The following TRIM71 variants were observed in gnomAD, a reference collection of about 807,000 sequenced individuals.
TRIM71 encodes the protein E3 ubiquitin-protein ligase TRIM71.
In TRIM71, 9 loss-of-function variants were observed where a neutral mutation model predicts 61.2. That is an observed-to-expected ratio of 0.15 (90% confidence interval 0.09 to 0.26). The LOEUF is 0.26. Ranked by LOEUF, TRIM71 falls within the 10% of genes least tolerant of loss-of-function variation. The pLI, the probability that TRIM71 is intolerant of heterozygous loss-of-function variation, is 1.00. For missense variants in TRIM71, 998 were observed against 1,238.7 expected (o/e 0.81, Z 2.92); for synonymous variants, 645 against 553.2 (o/e 1.17, Z -2.33).
At chr3:32,846,494 T>C (rs28576253) in intron 1 of TRIM71, among the ~76,000 whole-genome samples, 2,003 of 152,324 alleles carry the variant, frequency 0.013, 44 homozygotes, top group African/African-American at 0.046. Context: ...TAGATACTTA[T>C]GTTTTTTGTA....
chr3:32,889,691 C>T (rs1176510078), intron 3 of TRIM71, among the ~76,000 whole-genome samples: 1 of 151,518 alleles, frequency 6.6e-6, no homozygotes, highest in Admixed American at 6.6e-5. Flanking sequence ...CGGGTTCAAG[C>T]GATTCTCCCC....
At chr3:32,844,814 C>G (rs893741069) in intron 1 of TRIM71, among the ~76,000 whole-genome samples, 6 of 152,288 alleles carry the variant, frequency 3.9e-5, no homozygotes, top group Non-Finnish European at 7.3e-5. Flanking sequence ...CCATCCCCCT[C>G]CTCTGAGCCA....
rs146740664 is a variant in TRIM71, at chr3:32,838,893, C to T, written c.852+19961C>T. 5.3e-3 allele frequency among the ~76,000 whole-genome samples: 804 copies of T among 152,248 alleles called. 22 individuals are homozygous for T. Among genetic ancestry groups the T allele is most frequent in the Admixed American group, 0.041 (624 of 15,304 alleles). On this transcript the variant is annotated intron_variant, in intron 1 of 3. Transcript: ENST00000383763. ...TCAGCTCACAGCAACCTCCTCCTCC[C>T]GGGTTCAAGTGATTCTCCTGCGTCA...
chr3:32,822,258 G>A (rs951192604), intron 1 of TRIM71, among the ~76,000 whole-genome samples: 2 of 152,180 alleles, frequency 1.3e-5, no homozygotes, highest in African/African-American at 4.8e-5. Context: ...CCCGAGGATG[G>A]CAATATTGTT....
chr3:32,844,085 A>G (rs1383705180), intron 1 of TRIM71, among the ~76,000 whole-genome samples: 2 of 152,122 alleles, frequency 1.3e-5, no homozygotes, highest in Non-Finnish European at 2.9e-5. Flanking sequence ...GTGCTTACCC[A>G]TGCTTTCTCG....
chr3:32,853,965 C>T (rs185894825), intron 1 of TRIM71, among the ~76,000 whole-genome samples: 93 of 151,896 alleles, frequency 6.1e-4, no homozygotes, highest in African/African-American at 2.2e-3. Flanking sequence ...GACCACGCCA[C>T]TGCACTCCAG....
At chr3:32,880,921 A>C (rs1180648655) in intron 2 of TRIM71, among the ~76,000 whole-genome samples, 1 of 152,170 alleles carries the variant, frequency 6.6e-6, no homozygotes, top group East Asian at 1.9e-4. Context: ...TAAGGTGTAC[A>C]TTTATTTTAC....
intron 1 of TRIM71, among the ~76,000 whole-genome samples, chr3:32,842,045 A>C (rs1377363806): frequency 5.3e-5 from 8 of 152,124 alleles, no homozygotes; most frequent in African/African-American, 1.9e-4. Flanking sequence ...CACCATAAAG[A>C]TTGCCCCTGT....
intron 1 of TRIM71, among the ~76,000 whole-genome samples, chr3:32,848,164 G>A (rs913115500): frequency 6.6e-6 from 1 of 152,224 alleles, no homozygotes; most frequent in Non-Finnish European, 1.5e-5. Context: ...CCTCATGTGA[G>A]TTAATCTCTT....
chr3:32,878,734 T>C (rs1696876176), intron 2 of TRIM71, among the ~76,000 whole-genome samples: 1 of 152,260 alleles, frequency 6.6e-6, no homozygotes, highest in Non-Finnish European at 1.5e-5. Context: ...ACGGTAGATT[T>C]AGCATAATGC....
rs769397779 is a variant in TRIM71 at position 32,895,990 on chromosome 3, A to T, written c.*4179A>T. On this transcript the variant is annotated 3_prime_UTR_variant, in exon 4 of 4. Coordinates refer to ENST00000383763, the MANE Select transcript of TRIM71 (RefSeq NM_001039111.3). Reference sequence around the variant, plus strand: ...AGGAGAAATGTTCTACTTACCTTGAAAGAGAAATGTCAGGCAAATGTAGTC... The same window carrying T: ...AGGAGAAATGTTCTACTTACCTTGATAGAGAAATGTCAGGCAAATGTAGTC... 5 of 152,230 alleles carry T rather than the reference A, an allele frequency of 3.3e-5. No homozygotes were observed. Among genetic ancestry groups the T allele is most frequent in the Non-Finnish European group, 7.3e-5 (5 of 68,042 alleles). 9.4% of individuals were successfully genotyped at this position (152,230 alleles called of 1,614,324 possible).
rs1406624949 is a variant in TRIM71, at chr3:32,818,784, A to T, written c.704A>T (p.Asp235Val). Reference protein sequence around the residue: ...RAHQRVRLTKDHYIERGPPGP... With the variant: ...RAHQRVRLTKVHYIERGPPGP... ...CACCAGCGCGTGCGCCTCACCAAGG[A>T]CCACTACATCGAGCGCGGCCCGCCG... Residue 235 changes from aspartate (D) to valine (V), a missense_variant, in exon 1 of 4, where the codon GAC becomes GTC. Around this residue, in one of 5 missense-constraint regions of TRIM71, gnomAD observed 527 missense variants for 427.8 expected, o/e 1.23. Coordinates refer to ENST00000383763, the MANE Select transcript of TRIM71 (RefSeq NM_001039111.3). 1.2e-6 allele frequency: 2 copies of T among 1,608,346 alleles called. No homozygotes were observed. The highest frequency in any genetic ancestry group is 8.5e-7 in the Non-Finnish European group (1 of 1,178,302).
chr3:32,882,695 C>T (rs550208176), intron 2 of TRIM71, among the ~76,000 whole-genome samples: 34 of 152,204 alleles, frequency 2.2e-4, no homozygotes, highest in African/African-American at 7.5e-4. Flanking sequence ...TATACACAAG[C>T]GCCACCATGC....
chr3:32,888,845 T>A (rs959627938), intron 3 of TRIM71, among the ~76,000 whole-genome samples: 7 of 152,194 alleles, frequency 4.6e-5, no homozygotes, highest in African/African-American at 1.7e-4. Context: ...TCTTTAAGAA[T>A]ATGAATCTGT....
chr3:32,820,100 C>T (rs968023984), intron 1 of TRIM71, among the ~76,000 whole-genome samples: 1 of 152,150 alleles, frequency 6.6e-6, no homozygotes. Context: ...ACCTGTAGAC[C>T]GGTAAGAGAG....
intron 1 of TRIM71, among the ~76,000 whole-genome samples, chr3:32,822,079 C>T (rs935451630): frequency 6.6e-6 from 1 of 152,152 alleles, no homozygotes; most frequent in African/African-American, 2.4e-5. Flanking sequence ...TTGGAGGCGA[C>T]ACCGGCAGCA....
intron 1 of TRIM71, among the ~76,000 whole-genome samples, chr3:32,822,839 A>G (rs1696156738): frequency 6.6e-6 from 1 of 152,220 alleles, no homozygotes; most frequent in Non-Finnish European, 1.5e-5. Flanking sequence ...ATCAGATGTA[A>G]CTAAGTTGGT....
intron 1 of TRIM71, among the ~76,000 whole-genome samples, chr3:32,843,989 G>A (rs190246044): frequency 3.8e-4 from 58 of 151,972 alleles, no homozygotes; most frequent in Admixed American, 2.7e-3. Context: ...ATGTTTTAAT[G>A]TGAACTATAG....
intron 1 of TRIM71, among the ~76,000 whole-genome samples, chr3:32,857,885 C>T (rs916600562): frequency 1.3e-5 from 2 of 152,060 alleles, no homozygotes; most frequent in Non-Finnish European, 2.9e-5. Flanking sequence ...GCATGAGAAT[C>T]GCTTGAACCC....
Sources: gnomAD v4.1 joint callset for allele counts (sites outside exome capture counted in the v4.1 genomes callset) on GRCh38, gnomAD v4.1.1 for gene constraint, gnomAD v4.1.1 regional missense constraint, MANE v1.5 for transcripts, NCBI Gene and HGNC (gene_info 2026-07-23, HGNC 2026-07-21) for gene names.